TAB2: variants seen among roughly 807,000 people sequenced by gnomAD.
TAB2 encodes the protein TGF-beta-activated kinase 1 and MAP3K7-binding protein 2.
In TAB2, 3 loss-of-function variants were observed where a neutral mutation model predicts 65.0. That is an observed-to-expected ratio of 0.05 (90% CI 0.02 to 0.12). The LOEUF (loss-of-function observed/expected upper bound fraction) is 0.12. Ranked by LOEUF, TAB2 falls within the 10% of genes least tolerant of loss-of-function variation. TAB2 has a pLI of 1.00. For synonymous variants in TAB2, 298 were observed against 285.1 expected, an observed-to-expected ratio of 1.05 and a Z score of -0.46; for missense variants, 623 against 840.3, an observed-to-expected ratio of 0.74 and a Z score of 3.20.
At chr6:149,251,085 G>A (rs772194542) in intron 1 of TAB2, among the ~76,000 whole-genome samples, 2 of 152,092 alleles carry the variant, frequency 1.3e-5, no homozygotes, top group Non-Finnish European at 1.5e-5. Flanking sequence ...CAGCTCTGTC[G>A]CTGTGAGTCA....
chr6:149,336,619 C>T (rs1368358378), intron 1 of TAB2, among the ~76,000 whole-genome samples: 1 of 152,030 alleles, frequency 6.6e-6, no homozygotes, highest in African/African-American at 2.4e-5. Flanking sequence ...GGAAAAGATC[C>T]ATGTGGGCTG....
At position 149,232,446 on chromosome 6, in the gene TAB2, A is replaced by G. The variant is rs10080669; in HGVS notation, c.-121+13670A>G. On this transcript the variant is annotated intron_variant, in intron 1 of 1. Transcript: ENST00000606202. ...TTTCACCATTTTGCCAGGCTGGTCT[A>G]GGATTCCTGACCTCAAGTGTTCCGC... Among the ~76,000 whole-genome samples, 840 of 152,214 alleles carry G rather than the reference A, an allele frequency of 5.5e-3. 8 individuals are homozygous for G. The highest frequency in any genetic ancestry group is 0.02 in the African/African-American group (815 of 41,532).
chr6:149,287,528 A>G (rs1778699649), intron 1 of TAB2, among the ~76,000 whole-genome samples: 1 of 151,432 alleles, frequency 6.6e-6, no homozygotes. Flanking sequence ...GACTTTTTCA[A>G]ATGGTCAATG....
intron 1 of TAB2, among the ~76,000 whole-genome samples, chr6:149,324,949 A>G (rs1583089626): frequency 1.3e-5 from 2 of 151,860 alleles, no homozygotes; most frequent in Admixed American, 6.6e-5. Flanking sequence ...AGTGTGCGCA[A>G]CTACATCCAG....
intron 1 of TAB2, among the ~76,000 whole-genome samples, chr6:149,235,705 A>G (rs1363904927): frequency 6.6e-6 from 1 of 152,240 alleles, no homozygotes; most frequent in African/African-American, 2.4e-5. Context: ...TACAATTAAA[A>G]GAATTCCAGC....
At chr6:149,328,364 C>T (rs1779680560) in intron 1 of TAB2, among the ~76,000 whole-genome samples, 1 of 152,178 alleles carries the variant, frequency 6.6e-6, no homozygotes, top group Non-Finnish European at 1.5e-5. Context: ...GCAGTCTCAG[C>T]TCAGTGCAAC....
chr6:149,368,657 G>GTA (rs1187223470), intron 1 of TAB2, among the ~76,000 whole-genome samples: 4 of 151,614 alleles, frequency 2.6e-5, no homozygotes, highest in African/African-American at 9.7e-5. Context: ...GTGTGTGTGT[G>GTA]TGTGTGTGTG....
intron 1 of TAB2, among the ~76,000 whole-genome samples, chr6:149,288,840 TTTTTTAA>T (rs1778722546): frequency 6.8e-6 from 1 of 146,638 alleles, no homozygotes. Context: ...CAGAGTGATT[TTTTTTAA>T]TTTTTAATTT....
intron 1 of TAB2, among the ~76,000 whole-genome samples, chr6:149,289,744 C>A (rs760544187): frequency 3.3e-5 from 5 of 152,222 alleles, no homozygotes; most frequent in Admixed American, 6.5e-5. Flanking sequence ...TGACACAACT[C>A]TCAGGAGGGC....
chr6:149,397,883 T>G, intron 4 of TAB2, 86 bp from the exon 5 acceptor site: 1 of 1,578,122 alleles, frequency 6.3e-7, no homozygotes, highest in South Asian at 1.1e-5. Context: ...TTTTCTGTCC[T>G]TACTTTCTTG....
chr6:149,254,714 T>C, intron 1 of TAB2, among the ~76,000 whole-genome samples: 1 of 152,340 alleles, frequency 6.6e-6, no homozygotes, highest in East Asian at 1.9e-4. Context: ...AGAAAGAGAA[T>C]AATGAAATCA....
intron 1 of TAB2, among the ~76,000 whole-genome samples, chr6:149,263,672 G>A (rs1449314563): frequency 6.6e-6 from 1 of 152,196 alleles, no homozygotes; most frequent in African/African-American, 2.4e-5. Flanking sequence ...GTGAAAAATA[G>A]TCCCTCCTCT....
intron 1 of TAB2, among the ~76,000 whole-genome samples, chr6:149,365,205 G>A (rs1468842477): frequency 2.6e-5 from 4 of 152,116 alleles, no homozygotes; most frequent in Non-Finnish European, 4.4e-5. Flanking sequence ...CATAGGAAAT[G>A]TGTCTCTGTT....
intron 1 of TAB2, among the ~76,000 whole-genome samples, chr6:149,348,921 C>T (rs760649966): frequency 7.3e-5 from 11 of 151,380 alleles, no homozygotes; most frequent in Non-Finnish European, 1.2e-4. Context: ...GAGCCGAGAT[C>T]GCACCGTTGA....
chr6:149,359,382 A>G (rs569473280), intron 1 of TAB2, among the ~76,000 whole-genome samples: 2 of 152,120 alleles, frequency 1.3e-5, no homozygotes, highest in East Asian at 3.8e-4. Context: ...GTAAATTTGG[A>G]TTCCACACCT....
chr6:149,221,683 G>A (rs1777152239), intron 1 of TAB2, among the ~76,000 whole-genome samples: 1 of 152,142 alleles, frequency 6.6e-6, no homozygotes, highest in South Asian at 2.1e-4. Flanking sequence ...CTTCTGTGTA[G>A]TCTAGGAAGA....
intron 1 of TAB2, among the ~76,000 whole-genome samples, chr6:149,282,965 G>A (rs74814417): frequency 0.011 from 1,697 of 152,248 alleles, 31 homozygotes; most frequent in African/African-American, 0.039. Flanking sequence ...CAGCTTAGGG[G>A]ATCAATTTTT....
chr6:149,378,080 T>C lies in TAB2; in HGVS notation c.165T>C (p.Tyr55=), dbSNP rs775402300. Reference sequence around the variant, plus strand: ...CTCAGGAGAGTACAAGATATCTTTATGGTGAAGGAGACTTGAATTTTTCAG... The same window carrying C: ...CTCAGGAGAGTACAAGATATCTTTACGGTGAAGGAGACTTGAATTTTTCAG... ...VLSQESTRYL[Y]GEGDLNFSDD... is the part of the protein sequence containing the mutation. The change falls in exon 3 of 7, where the codon TAT becomes TAC. Residue 55 remains tyrosine, a synonymous_variant. Coordinates refer to ENST00000637181, the MANE Select transcript of TAB2 (RefSeq NM_001292034.3). The C allele has an allele frequency of 3.3e-5, 53 of 1,614,182 alleles. No homozygotes were observed. In the Middle Eastern group the frequency reaches 8.2e-4, roughly 25 times the overall value.
At chr6:149,230,538 C>T (rs185781858) in intron 1 of TAB2, among the ~76,000 whole-genome samples, 118 of 152,290 alleles carry the variant, frequency 7.7e-4, no homozygotes, top group African/African-American at 2.7e-3. Context: ...TCTCCTAGGT[C>T]AAGTACATGA....
Sources: gnomAD v4.1 joint callset for allele counts (sites outside exome capture counted in the v4.1 genomes callset) on GRCh38, gnomAD v4.1.1 for gene constraint, MANE v1.5 for transcripts, NCBI Gene and HGNC (gene_info 2026-07-23, HGNC 2026-07-21) for gene names.